HCRT: variants seen among roughly 807,000 people sequenced by gnomAD.
HCRT encodes hypocretin neuropeptide precursor, also known as hypocretin (orexin) neuropeptide.
In HCRT, 5 loss-of-function variants were observed where a neutral mutation model predicts 5.7. The ratio of observed to expected loss-of-function variants is 0.87; its 90% CI spans 0.45 to 1.83. The LOEUF (loss-of-function observed/expected upper bound fraction) is 1.83, where lower values mean the gene tolerates loss of function less well. Among genes scored for constraint, HCRT ranks in the 40% most tolerant of loss-of-function variants. HCRT has a pLI of 0.02. For synonymous variants in HCRT, 114 were observed against 99.0 expected, an observed-to-expected ratio of 1.15 and a Z score of -0.90; for missense variants, 207 against 191.8, an observed-to-expected ratio of 1.08 and a Z score of -0.47.
intron 1 of HCRT, among the ~76,000 whole-genome samples, chr17:42,185,122 C>T (rs963201141): frequency 2.6e-5 from 4 of 152,180 alleles, no homozygotes; most frequent in Admixed American, 6.5e-5. Flanking sequence ...CAAGAGATGA[C>T]AGGTGCAAAC....
intron 1 of HCRT, 131 bp from the exon 2 acceptor site, chr17:42,184,659 TCTC>T (rs1357968477): frequency 7.5e-7 from 1 of 1,334,498 alleles, no homozygotes; most frequent in Non-Finnish European, 9.8e-7. Context: ...GTCACTTAGT[TCTC>T]CTTGCTTTGC....
chr17:42,184,488 A>G lies in HCRT; in HGVS notation c.62T>C (p.Leu21Pro). Residue 21 changes from leucine to proline, a missense_variant, in exon 2 of 2, where the codon CTG becomes CCG. Transcript: ENST00000293330. ...AAVTLLLLLL[L>P]LPPALLSSGA... ...GGACGACAACAGCGCGGGCGGCAGC[A>G]GCAGCAGCAGCAGCAGTAGCGTCAC... The G allele has an allele frequency of 1.9e-6, 3 of 1,568,080 alleles. No homozygotes were observed. The highest frequency in any genetic ancestry group is 2.6e-6 in the Non-Finnish European group (3 of 1,163,392).
Position 42,184,404 on chromosome 17 carries a change from A to T in HCRT, c.146T>A (p.Leu49His). The part of the protein sequence containing the change: ...CCRQKTCSCR[L>H]YELLHGAGNH... ...GCCCGCGCCGTGCAGCAGCTCGTAG[A>T]GGCGGCAAGAGCAAGTCTTTTGACG... Residue 49 changes from leucine (L) to histidine (H), a missense_variant, in exon 2 of 2, where the codon CTC (leucine) becomes CAC (histidine). Coordinates refer to ENST00000293330, the MANE Select transcript of HCRT (RefSeq NM_001524.1). 1.2e-6 allele frequency: 2 copies of T among 1,601,926 alleles called. No individual in the cohort carries two copies. Among genetic ancestry groups the T allele is most frequent in the Non-Finnish European group, 1.7e-6 (2 of 1,177,902 alleles).
At chr17:42,184,562 T>C (rs1452066021) in intron 1 of HCRT, 34 bp from the exon 2 acceptor site, 2 of 1,482,688 alleles carry the variant, frequency 1.3e-6, no homozygotes, top group Non-Finnish European at 1.8e-6. Flanking sequence ...TGGGGGGGTC[T>C]TCCCACGGCG....
chr17:42,184,434 C>T lies in HCRT; in HGVS notation c.116G>A (p.Cys39Tyr). Residue 39 changes from cysteine (C) to tyrosine (Y), a missense_variant, in exon 2 of 2, where the codon TGC becomes TAC. Physicochemically the swap from Cys to Tyr is radical, Grantham distance 194. Transcript: ENST00000293330. ...GCAAGAGCAAGTCTTTTGACGACAG[C>T]AGTCGGGCAGGGGCTGTGCAGCCGC... ...SGAAAQPLPD[C>Y]CRQKTCSCRL... The T allele has an allele frequency of 6.3e-7, 1 of 1,599,498 alleles. No individual in the cohort carries two copies. Among genetic ancestry groups the T allele is most frequent in the Non-Finnish European group, 8.5e-7 (1 of 1,177,282 alleles).
Position 42,184,322 on chromosome 17 carries a change from G to C in HCRT, c.228C>G (p.Leu76=). ...GCAGGAGGCGCTGCAGCCGACCCTG[G>C]AGGCCCGGGGGCCCGGACCTCCGCT... ...LGKRRSGPPG[L]QGRLQRLLQA... is the part of the protein sequence containing the mutation. Residue 76 remains leucine, a synonymous_variant, in exon 2 of 2, where the codon CTC becomes CTG. Transcript: ENST00000293330. The C allele has an allele frequency of 1.3e-6, 2 of 1,549,260 alleles. No homozygotes were observed. The highest frequency in any genetic ancestry group is 1.2e-5 in the South Asian group (1 of 85,040).
chr17:42,184,569 G>C (rs773311143), intron 1 of HCRT, 41 bp from the exon 2 acceptor site: 1 of 1,473,422 alleles, frequency 6.8e-7, no homozygotes, highest in South Asian at 1.3e-5. Flanking sequence ...GTCTTCCCAC[G>C]GCGCCCGCCA....
In HCRT at chr17:42,185,328, C is replaced by T. The variant is rs1466141920; in HGVS notation, c.21+17G>A. ...TCTCTGGGATGGTGAGTCACCCCTC[C>T]ATCCCTGGATCTTTACCTTTGTGGA... On this transcript the variant is annotated intron_variant, in intron 1 of 1. Transcript: ENST00000293330. 1 of 1,613,192 alleles carries T rather than the reference C, an allele frequency of 6.2e-7. No individual in the cohort carries two copies. The highest frequency in any genetic ancestry group is 1.3e-5 in the African/African-American group (1 of 74,858).
chr17:42,184,069 T>G lies in HCRT; in HGVS notation c.*85A>C. The G allele has an allele frequency of 1.6e-6, 2 of 1,221,406 alleles. No homozygotes were observed. The highest frequency in any genetic ancestry group is 2.0e-6 in the Non-Finnish European group (2 of 978,430). The allele number at this position is 1,221,406 out of a possible 1,614,324, so 75.7% of individuals were successfully genotyped here. On this transcript the variant is annotated 3_prime_UTR_variant, in exon 2 of 2. Transcript: ENST00000293330. ...AGAGACCAGTCACACGAATGGAGAC[T>G]CGTCTTTATTGCCTTTTTTCTGGGG...
chr17:42,184,111 C>T lies in HCRT; in HGVS notation c.*43G>A. 2.4e-6 allele frequency: 3 copies of T among 1,252,708 alleles called. No homozygotes were observed. Among genetic ancestry groups the T allele is most frequent in the East Asian group, 3.2e-5 (1 of 31,416 alleles). 77.6% of individuals were successfully genotyped at this position (1,252,708 alleles called of 1,614,324 possible). A position where few individuals can be genotyped will look rare whatever the true frequency, so the allele number is the denominator to read the frequency against. On this transcript the variant is annotated 3_prime_UTR_variant, in exon 2 of 2. Coordinates refer to ENST00000293330, the MANE Select transcript of HCRT (RefSeq NM_001524.1). The stretch of plus-strand genomic sequence containing the variant: ...TTTCTGGGGGCTGACGCTGGGTGGG[C>T]AGAGGGCAGAGGCCTGGGCCAGGAC...
Position 42,184,389 on chromosome 17 carries a change from T to C in HCRT, c.161A>G (p.His54Arg), listed in dbSNP as rs761104247. 8 of 1,600,918 alleles carry C rather than the reference T, an allele frequency of 5.0e-6. No homozygotes were observed. The highest frequency in any genetic ancestry group is 1.1e-5 in the South Asian group (1 of 90,300). ...TCSCRLYELL[H>R]GAGNHAAGIL... The stretch of plus-strand genomic sequence containing the variant: ...GCCGGCCGCGTGATTGCCCGCGCCG[T>C]GCAGCAGCTCGTAGAGGCGGCAAGA... Residue 54 changes from histidine to arginine, a missense_variant, in exon 2 of 2, where the codon CAC (histidine) becomes CGC (arginine). His to Arg is a conservative substitution (Grantham distance 29, BLOSUM62 0). Coordinates refer to ENST00000293330, the MANE Select transcript of HCRT (RefSeq NM_001524.1).
Position 42,185,419 on chromosome 17 carries a change from C to A in HCRT, c.-54G>T. The A allele has an allele frequency of 1.3e-6, 2 of 1,590,106 alleles. No individual in the cohort carries two copies. Among genetic ancestry groups the A allele is most frequent in the South Asian group, 2.2e-5 (2 of 90,572 alleles). On this transcript the variant is annotated 5_prime_UTR_variant, in exon 1 of 2. Transcript: ENST00000293330. ...GGGAAAGGAGATGTCTGTGGTGGTT[C>A]AAAAAGCCAGGAACCTTGAGGCTGT...
At chr17:42,185,237 A>G in intron 1 of HCRT, 108 bp downstream of exon 1, 1 of 1,085,240 alleles carries the variant, frequency 9.2e-7, no homozygotes, top group East Asian at 2.4e-5. Context: ...CACACCCAGG[A>G]AAAGACCAAG....
chr17:42,185,360 G>T lies in HCRT; in HGVS notation c.6C>A (p.Asn2Lys), dbSNP rs1471835764. Reference protein sequence around the residue: MNLPSTKVSWAA... With the variant: MKLPSTKVSWAA... ...GGATCTTTACCTTTGTGGAAGGAAG[G>T]TTCATGGTGTCTGGCGCTCAGGGTG... The change falls in exon 1 of 2, where the codon AAC (asparagine) becomes AAA (lysine). Residue 2 changes from asparagine (N) to lysine (K), a missense_variant. Physicochemically the swap from Asn to Lys is moderately conservative, Grantham distance 94. Coordinates refer to ENST00000293330, the MANE Select transcript of HCRT (RefSeq NM_001524.1). 4 of 1,613,932 alleles carry T rather than the reference G, an allele frequency of 2.5e-6. No individual in the cohort carries two copies. The highest frequency in any genetic ancestry group is 1.3e-5 in the African/African-American group (1 of 74,916).
chr17:42,184,722 C>A (rs1186757443), intron 1 of HCRT, among the ~76,000 whole-genome samples, 194 bp from the exon 2 acceptor site: 1 of 152,212 alleles, frequency 6.6e-6, no homozygotes, highest in Admixed American at 6.5e-5. Flanking sequence ...CAAGACCCAG[C>A]AGAGCATCTC....
Position 42,184,365 on chromosome 17 carries a change from C to A in HCRT, c.185G>T (p.Gly62Val). Residue 62 changes from glycine to valine, a missense_variant, in exon 2 of 2, where the codon GGC becomes GTC. Transcript: ENST00000293330. The stretch of plus-strand genomic sequence containing the variant: ...CCTCCGCTTGCCCAGCGTGAGGATG[C>A]CGGCCGCGTGATTGCCCGCGCCGTG... Reference protein sequence around the residue: ...LLHGAGNHAAGILTLGKRRSG... With the variant: ...LLHGAGNHAAVILTLGKRRSG... 1 of 1,592,742 alleles carries A rather than the reference C, an allele frequency of 6.3e-7. No homozygotes were observed.
At position 42,184,531 on chromosome 17, in the gene HCRT, A is replaced by AG; in HGVS notation, c.22-4dup. 1 of 1,511,972 alleles carries AG rather than the reference A, an allele frequency of 6.6e-7. No homozygotes were observed. The highest frequency in any genetic ancestry group is 8.8e-7 in the Non-Finnish European group (1 of 1,133,370). 93.7% of individuals were successfully genotyped at this position (1,511,972 alleles called of 1,614,324 possible). A position where few individuals can be genotyped will look rare whatever the true frequency, so the allele number is the denominator to read the frequency against. The stretch of plus-strand genomic sequence containing the variant: ...AGCGTCACGGCGGCCCAGGAGACCT[A>AG]GGGAGACGGAGACAGGGCGCTGGGG... On this transcript the variant is annotated splice_polypyrimidine_tract_variant and splice_region_variant and intron_variant, in intron 1 of 1. Transcript: ENST00000293330.
intron 1 of HCRT, 63 bp from the exon 2 acceptor site, chr17:42,184,591 G>T (rs2079924689): frequency 6.8e-7 from 1 of 1,460,482 alleles, no homozygotes; most frequent in African/African-American, 1.5e-5. Context: ...CAGCTCCCAC[G>T]CCCAGGACCT....
At position 42,184,270 on chromosome 17, in the gene HCRT, T is replaced by A; in HGVS notation, c.280A>T (p.Ile94Phe). 7.0e-7 allele frequency: 1 copy of A among 1,428,198 alleles called. No homozygotes were observed. The highest frequency in any genetic ancestry group is 9.1e-7 in the Non-Finnish European group (1 of 1,094,286). The allele number at this position is 1,428,198 out of a possible 1,614,324, so 88.5% of individuals were successfully genotyped here. The change falls in exon 2 of 2, where the codon ATC becomes TTC. Residue 94 changes from isoleucine (I) to phenylalanine (F), a missense_variant. Ile to Phe is a conservative substitution (Grantham distance 21). Coordinates refer to ENST00000293330, the MANE Select transcript of HCRT (RefSeq NM_001524.1). Reference protein sequence around the residue: ...LQASGNHAAGILTMGRRAGAE... With the variant: ...LQASGNHAAGFLTMGRRAGAE... The stretch of plus-strand genomic sequence containing the variant: ...CCTGCGCGGCGGCCCATGGTCAGGA[T>A]GCCCGCGGCGTGGTTGCCGCTGGCC...
Sources: gnomAD v4.1 joint callset for allele counts (sites outside exome capture counted in the v4.1 genomes callset) on GRCh38, gnomAD v4.1.1 for gene constraint, MANE v1.5 for transcripts, NCBI Gene and HGNC (gene_info 2026-07-23, HGNC 2026-07-21) for gene names.